NFRKB: variants seen among roughly 807,000 people sequenced by gnomAD.
The protein encoded by NFRKB is nuclear factor related to kappaB binding protein.
Under a neutral mutation model 135.7 loss-of-function variants are expected in NFRKB, and 62 were observed. The ratio of observed to expected loss-of-function variants is 0.46; its 90% CI spans 0.37 to 0.56. The LOEUF (loss-of-function observed/expected upper bound fraction) is 0.56, where lower values mean the gene tolerates loss of function less well. Ranked by LOEUF, NFRKB falls within the 20% of genes least tolerant of loss-of-function variation. The pLI is 0.00. For missense variants in NFRKB, 1,545 were observed against 1,662.0 expected (o/e 0.93, Z 1.22); for synonymous variants, 678 against 635.6 (o/e 1.07, Z -1.00).
intron 24 of NFRKB, among the ~76,000 whole-genome samples, chr11:129,868,975 G>A (rs573700682): frequency 6.6e-6 from 1 of 151,666 alleles, no homozygotes; most frequent in South Asian, 2.1e-4. Context: ...AGCCGAGATC[G>A]TGCCATTGCG....
chr11:129,878,708 G>A (rs1442433291), intron 13 of NFRKB, among the ~76,000 whole-genome samples, 165 bp from the exon 14 acceptor site: 1 of 152,174 alleles, frequency 6.6e-6, no homozygotes, highest in Non-Finnish European at 1.5e-5. Context: ...AAGTCAGCCT[G>A]GACCACCACT....
chr11:129,877,016 A>G (rs774246215), intron 16 of NFRKB, 121 bp from the exon 17 acceptor site: 4 of 1,031,596 alleles, frequency 3.9e-6, no homozygotes, highest in Non-Finnish European at 5.7e-6. Context: ...AAGTGATTCT[A>G]TGATTCTAGT....
intron 2 of NFRKB, chr11:129,893,148 TGA>T (rs1949632090): frequency 8.8e-7 from 1 of 1,134,664 alleles, no homozygotes; most frequent in African/African-American, 1.6e-5. Flanking sequence ...ATGAGTAAAA[TGA>T]GACTGAGAAT....
chr11:129,886,427 C>T lies in NFRKB; in HGVS notation c.355G>A (p.Glu119Lys), dbSNP rs1241041913. Residue 119 changes from glutamate to lysine, a missense_variant, in exon 5 of 27, where the codon GAG (glutamate) becomes AAG (lysine). Glu to Lys is a moderately conservative substitution (Grantham distance 56). Coordinates refer to ENST00000682444, the MANE Select transcript of NFRKB (RefSeq NM_001143835.2). ...CATAACTGCCGGTACTTGACCACCT[C>T]GGGGTTAAAGTGTCCGTCTTAAAAA... is the stretch of plus-strand genomic sequence containing the variant. ...KLFRDGHFNP[E>K]VVKYRQLCFK... 4.3e-6 allele frequency: 7 copies of T among 1,613,708 alleles called. No homozygotes were observed. Among genetic ancestry groups the T allele is most frequent in the East Asian group, 2.2e-5 (1 of 44,888 alleles).
At chr11:129,892,944 G>A (rs1949623975) in intron 2 of NFRKB, 74 bp from the exon 3 acceptor site, 1 of 1,602,794 alleles carries the variant, frequency 6.2e-7, no homozygotes, top group Non-Finnish European at 8.5e-7. Flanking sequence ...CACTCCTCCA[G>A]GAAAACATTC....
intron 4 of NFRKB, among the ~76,000 whole-genome samples, chr11:129,886,990 C>G (rs1331230912): frequency 6.6e-6 from 1 of 152,162 alleles, no homozygotes; most frequent in Non-Finnish European, 1.5e-5. Context: ...ATTTTACACC[C>G]TTAATATAAT....
chr11:129,877,302 TAC>T, intron 16 of NFRKB, 21 bp downstream of exon 16: 1 of 1,613,326 alleles, frequency 6.2e-7, no homozygotes, highest in Non-Finnish European at 8.5e-7. Context: ...GGCAGAGACT[TAC>T]ACTGGCTTTT....
At position 129,864,658 on chromosome 11, in the gene NFRKB, T is replaced by C; in HGVS notation, c.*67A>G. On this transcript the variant is annotated 3_prime_UTR_variant, in exon 27 of 27. Transcript: ENST00000682444. ...GCAAGCTTAAAACAATGATGCAACC[T>C]CCCTGGTCCCTTCTCAGCCAGGACA... is the stretch of plus-strand genomic sequence containing the variant. 1 of 1,604,872 alleles carries C rather than the reference T, an allele frequency of 6.2e-7. No homozygotes were observed.
chr11:129,870,487 G>A (rs1480376014), intron 23 of NFRKB, among the ~76,000 whole-genome samples: 1 of 152,102 alleles, frequency 6.6e-6, no homozygotes, highest in Non-Finnish European at 1.5e-5. Flanking sequence ...CCACTGTGGT[G>A]GGGGAGGGAG....
rs1476000529 is a variant in NFRKB, at chr11:129,865,022, T to C, written c.3718A>G (p.Ser1240Gly). 3.1e-6 allele frequency: 5 copies of C among 1,613,100 alleles called. No homozygotes were observed. The highest frequency in any genetic ancestry group is 2.5e-6 in the Non-Finnish European group (3 of 1,179,968). Residue 1240 changes from serine to glycine, a missense_variant, in exon 26 of 27, where the codon AGT becomes GGT. Coordinates refer to ENST00000682444, the MANE Select transcript of NFRKB (RefSeq NM_001143835.2). ...TGCAACTGCTGAGCAGTGAGGAAACTAACAGGCTTATTGCCAGCAATGAGC... is the reference window on the plus strand; with the variant it reads ...TGCAACTGCTGAGCAGTGAGGAAACCAACAGGCTTATTGCCAGCAATGAGC... ...TKLIAGNKPV[S>G]FLTAQQLQQL...
At chr11:129,890,031 T>G (rs180800956) in intron 3 of NFRKB, among the ~76,000 whole-genome samples, 3 of 146,782 alleles carry the variant, frequency 2.0e-5, no homozygotes, top group Admixed American at 6.8e-5. Context: ...GTTTTTTTGT[T>G]TTTTTTTTTT....
chr11:129,884,178 G>GA (rs761686677), intron 7 of NFRKB, 35 bp from the exon 8 acceptor site: 1 of 1,591,440 alleles, frequency 6.3e-7, no homozygotes, highest in African/African-American at 1.4e-5. Flanking sequence ...TCACTATCAT[G>GA]ATTCTCCAAT....
In NFRKB at chr11:129,881,814, T is replaced by C. The variant is rs772537787; in HGVS notation, c.1231A>G (p.Ser411Gly). ...GCAGAGAACCAGCTGTTGAGGGAGC[T>C]GGCTGGCGATGACTGCCAATCCAAA... is the stretch of plus-strand genomic sequence containing the variant. ...RVLDWQSSPASSLNSWFSAAP... is the reference protein window; with the variant it reads ...RVLDWQSSPAGSLNSWFSAAP... Residue 411 changes from serine to glycine, a missense_variant, in exon 12 of 27, where the codon AGC (serine) becomes GGC (glycine). Physicochemically the swap from Ser to Gly is moderately conservative, Grantham distance 56 (BLOSUM62 0). Coordinates refer to ENST00000682444, the MANE Select transcript of NFRKB (RefSeq NM_001143835.2). 6.2e-7 allele frequency: 1 copy of C among 1,612,754 alleles called. No individual in the cohort carries two copies. Among genetic ancestry groups the C allele is most frequent in the Non-Finnish European group, 8.5e-7 (1 of 1,179,486 alleles).
intron 2 of NFRKB, among the ~76,000 whole-genome samples, chr11:129,893,544 A>T (rs1336719676): frequency 2.0e-5 from 3 of 151,122 alleles, no homozygotes; most frequent in African/African-American, 7.3e-5. Context: ...TGGGCAACAG[A>T]GACCCTGTCT....
rs375066069 is a variant in NFRKB at position 129,878,373 on chromosome 11, G to A, written c.1465-18C>T. ...TTTTCTTGCTGGAGAAAAAGAAAAC[G>A]TTGACAGGTAAATGGACTAAAGAAT... On this transcript the variant is annotated intron_variant, in intron 14 of 26. Coordinates refer to ENST00000682444, the MANE Select transcript of NFRKB (RefSeq NM_001143835.2). 6.8e-6 allele frequency: 11 copies of A among 1,613,990 alleles called. No homozygotes were observed. The highest frequency in any genetic ancestry group is 5.3e-5 in the African/African-American group (4 of 74,916).
At chr11:129,893,566 A>G (rs1213642249) in intron 2 of NFRKB, among the ~76,000 whole-genome samples, 1 of 151,988 alleles carries the variant, frequency 6.6e-6, no homozygotes, top group African/African-American at 2.4e-5. Flanking sequence ...AAAAAAAAAA[A>G]AAAAGGAAAG....
At chr11:129,864,892 G>A (rs200370205) in intron 26 of NFRKB, 42 bp from the exon 27 acceptor site, 132 of 1,613,890 alleles carry the variant, frequency 8.2e-5, no homozygotes, top group Non-Finnish European at 1.0e-4. Flanking sequence ...GATTGCAAGC[G>A]GGCTCACCAG....
Position 129,864,682 on chromosome 11 carries a change from C to G in NFRKB, c.*43G>C. On this transcript the variant is annotated 3_prime_UTR_variant, in exon 27 of 27. Coordinates refer to ENST00000682444, the MANE Select transcript of NFRKB (RefSeq NM_001143835.2). ...CTCCCTGGTCCCTTCTCAGCCAGGA[C>G]AGACCAGGCATGGTCTTTCACGGAA... 1 of 1,612,974 alleles carries G rather than the reference C, an allele frequency of 6.2e-7. No individual in the cohort carries two copies. Among genetic ancestry groups the G allele is most frequent in the Non-Finnish European group, 8.5e-7 (1 of 1,179,610 alleles).
At chr11:129,895,318 TC>T (rs1555097786) in intron 1 of NFRKB, among the ~76,000 whole-genome samples, 177 bp downstream of exon 1, 1 of 80,734 alleles carries the variant, frequency 1.2e-5, no homozygotes, top group Non-Finnish European at 2.7e-5. Context: ...GCCCCGCCCC[TC>T]CCCCACGCCG....
Sources: gnomAD v4.1 joint callset for allele counts (sites outside exome capture counted in the v4.1 genomes callset) on GRCh38, gnomAD v4.1.1 for gene constraint, MANE v1.5 for transcripts, NCBI Gene and HGNC (gene_info 2026-07-23, HGNC 2026-07-21) for gene names.